The following FARP1 variants were observed in gnomAD, a reference collection of about 807,000 sequenced individuals.
The protein encoded by FARP1 is FERM, ARHGEF and pleckstrin domain-containing protein 1.
FARP1 carries 52 observed loss-of-function variants against 128.8 expected under a neutral mutation model. The ratio of observed to expected loss-of-function variants is 0.40; its 90% CI spans 0.32 to 0.51. The LOEUF is 0.51. Among genes scored for constraint, FARP1 ranks in the 20% least tolerant of loss-of-function variants. FARP1 has a pLI of 0.45. For missense variants in FARP1, 1,333 were observed against 1,367.9 expected, an observed-to-expected ratio of 0.97 and a Z score of 0.40; for synonymous variants, 580 against 551.8, an observed-to-expected ratio of 1.05 and a Z score of -0.72.
chr13:98,258,135 T>A (rs973404451), intron 2 of FARP1, among the ~76,000 whole-genome samples: 1 of 151,942 alleles, frequency 6.6e-6, no homozygotes, highest in Non-Finnish European at 1.5e-5. Flanking sequence ...CCCGGCTAAT[T>A]TTTTTGTATT....
At chr13:98,265,672 A>G (rs1884081497) in intron 2 of FARP1, among the ~76,000 whole-genome samples, 1 of 152,134 alleles carries the variant, frequency 6.6e-6, no homozygotes, top group Non-Finnish European at 1.5e-5. Context: ...TTAGACACAC[A>G]CACAATTAGG....
rs558893638 is a variant in FARP1 at position 98,160,425 on chromosome 13, A to G, written c.-24+16933A>G. Among the ~76,000 whole-genome samples, 12 of 152,300 alleles carry G rather than the reference A, an allele frequency of 7.9e-5. 1 individual carries two copies. In the South Asian group the frequency reaches 2.5e-3, roughly 32 times the overall value. ...GTAAGGATAGCCTAATGTATTTCAC[A>G]TGAGAATGGGCTGTGTTTCACTGAG... On this transcript the variant is annotated intron_variant, in intron 1 of 26. Transcript: ENST00000319562.
chr13:98,240,259 A>G (rs368664133), intron 2 of FARP1, among the ~76,000 whole-genome samples: 4 of 152,278 alleles, frequency 2.6e-5, no homozygotes, highest in African/African-American at 9.6e-5. Context: ...TGACGAATGA[A>G]TGATTAGATC....
chr13:98,390,854 AG>A lies in FARP1; in HGVS notation c.1064del (p.Gly355AspfsTer27). The A allele has an allele frequency of 1.2e-6, 2 of 1,613,650 alleles. No individual in the cohort carries two copies. Among genetic ancestry groups the A allele is most frequent in the Non-Finnish European group, 1.7e-6 (2 of 1,179,610 alleles). On this transcript the variant is annotated frameshift_variant, in exon 11 of 27. Coordinates refer to ENST00000319562, the MANE Select transcript of FARP1 (RefSeq NM_005766.4). LOFTEE classifies it high-confidence loss of function. ...AGGTTCTCGACTATGTTAAAGAAGG[AG>A]GACATAAGAAGGTGCAGTTTGAAAG... ...KQVLDYVKEG[G>X]HKKVQFERKH...
chr13:98,340,803 A>G (rs1299949989), intron 2 of FARP1: 1 of 152,206 alleles, frequency 6.6e-6, no homozygotes, highest in Non-Finnish European at 1.5e-5. Context: ...TGCTCCCTAC[A>G]TTAACCGACC....
chr13:98,373,390 T>C (rs1594458358), intron 5 of FARP1, among the ~76,000 whole-genome samples: 1 of 152,124 alleles, frequency 6.6e-6, no homozygotes, highest in Non-Finnish European at 1.5e-5. Flanking sequence ...GATTAGAAAT[T>C]TGTAGCTCTA....
chr13:98,408,322 CT>C (rs34532263), intron 13 of FARP1, among the ~76,000 whole-genome samples: 75 of 90,164 alleles, frequency 8.3e-4, no homozygotes, highest in East Asian at 6.5e-3. Flanking sequence ...GTAATATATA[CT>C]TTTTTTTTTT....
intron 15 of FARP1, 126 bp from the exon 16 acceptor site, chr13:98,411,775 C>A: frequency 9.8e-7 from 1 of 1,020,400 alleles, no homozygotes; most frequent in Non-Finnish European, 1.5e-6. Context: ...TCCTGAAATG[C>A]CAAGAACCTC....
chr13:98,389,161 T>C (rs1251481057), intron 9 of FARP1, among the ~76,000 whole-genome samples: 7 of 152,230 alleles, frequency 4.6e-5, no homozygotes, highest in Non-Finnish European at 1.0e-4. Flanking sequence ...TAGGTTTTCA[T>C]GGCCCGACCT....
At chr13:98,296,520 C>CT (rs397733130) in intron 2 of FARP1, among the ~76,000 whole-genome samples, 12 of 150,092 alleles carry the variant, frequency 8.0e-5, no homozygotes, top group Non-Finnish European at 1.3e-4. Context: ...AGGGACCCCC[C>CT]GCTCTTCATG....
chr13:98,153,351 AAAAATATAT>A (rs1317499624), intron 1 of FARP1, among the ~76,000 whole-genome samples: 2 of 33,616 alleles, frequency 5.9e-5, no homozygotes, highest in African/African-American at 8.4e-5. Flanking sequence ...TAATATATAT[AAAAATATAT>A]AAAATATGTT....
chr13:98,151,660 C>CTTTTTTTTTTTTTTTTTTT (rs34250002), intron 1 of FARP1, among the ~76,000 whole-genome samples: 889 of 69,220 alleles, frequency 0.013, 272 homozygotes, highest in Non-Finnish European at 0.019. Flanking sequence ...TATCTTCCAT[C>CTTTTTTTTTTTTTTTTTTT]TTTTTTTTTT....
intron 2 of FARP1, among the ~76,000 whole-genome samples, chr13:98,310,078 A>ATT (rs1304691156): frequency 5.2e-5 from 2 of 38,814 alleles, no homozygotes; most frequent in African/African-American, 1.5e-4. Flanking sequence ...AATAGATTAC[A>ATT]TGTTTTTTTT....
chr13:98,437,228 G>T (rs776560729), intron 19 of FARP1, among the ~76,000 whole-genome samples: 28 of 152,178 alleles, frequency 1.8e-4, no homozygotes, highest in Admixed American at 6.5e-4. Flanking sequence ...CACACTGGCC[G>T]ATCAGGTGAT....
chr13:98,222,246 G>A (rs1192404687), intron 2 of FARP1, among the ~76,000 whole-genome samples: 2 of 152,164 alleles, frequency 1.3e-5, no homozygotes, highest in Non-Finnish European at 2.9e-5. Flanking sequence ...CATGATACGG[G>A]TTTCACAAAT....
chr13:98,181,032 A>G (rs1257100286), intron 1 of FARP1, among the ~76,000 whole-genome samples: 1 of 151,408 alleles, frequency 6.6e-6, no homozygotes, highest in African/African-American at 2.4e-5. Flanking sequence ...ACAGAATTAC[A>G]GAGTTTAAGC....
In FARP1 at chr13:98,377,926, C is replaced by A. The variant is rs1326251907; in HGVS notation, c.496+8C>A. On this transcript the variant is annotated splice_region_variant and intron_variant, in intron 6 of 26. Transcript: ENST00000319562. Reference sequence around the variant, plus strand: ...TTTCACACATTGTGCAATGTAAGTTCTATTGGTTTCCTTTGAAAATCATGT... The same window carrying A: ...TTTCACACATTGTGCAATGTAAGTTATATTGGTTTCCTTTGAAAATCATGT... 2 of 1,585,812 alleles carry A rather than the reference C, an allele frequency of 1.3e-6. No homozygotes were observed. The highest frequency in any genetic ancestry group is 1.1e-5 in the South Asian group (1 of 90,338).
chr13:98,280,798 G>A (rs1048041345), intron 2 of FARP1, among the ~76,000 whole-genome samples: 7 of 152,062 alleles, frequency 4.6e-5, no homozygotes, highest in African/African-American at 1.4e-4. Context: ...AAGCACGATC[G>A]TATTCTTTCT....
intron 1 of FARP1, among the ~76,000 whole-genome samples, chr13:98,210,867 T>A (rs1426561316): frequency 6.6e-6 from 1 of 152,200 alleles, no homozygotes; most frequent in Non-Finnish European, 1.5e-5. Context: ...GACCTTTACC[T>A]CCTCTTGGTA....
Sources: allele counts gnomAD v4.1 joint callset (sites outside exome capture counted in the v4.1 genomes callset), GRCh38; gene constraint gnomAD v4.1.1; transcripts MANE v1.5; gene names NCBI Gene and HGNC (gene_info 2026-07-23, HGNC 2026-07-21).